The following RANBP2 variants were observed in gnomAD, a reference collection of about 807,000 sequenced individuals.
The protein encoded by RANBP2 is RAN binding protein 2.
Under a neutral mutation model 303.6 loss-of-function variants are expected in RANBP2, and 57 were observed. The observed-to-expected ratio is 0.19, with a 90% CI of 0.15 to 0.23. The LOEUF (loss-of-function observed/expected upper bound fraction) is 0.23, where lower values mean the gene tolerates loss of function less well. RANBP2 is among the 10% of genes least tolerant of loss of function. RANBP2 has a pLI of 1.00. For missense variants in RANBP2, 3,138 were observed against 3,780.8 expected, an observed-to-expected ratio of 0.83 and a Z score of 4.46; for synonymous variants, 1,167 against 1,301.5, an observed-to-expected ratio of 0.90 and a Z score of 2.23.
Position 108,752,056 on chromosome 2 carries a change from T to A in RANBP2, c.1755+62T>A. On this transcript the variant is annotated intron_variant, in intron 12 of 28. Transcript: ENST00000283195. ...ACCTTAATTTTTTAAAATCATGAAC[T>A]TTTTATTGAAAGTTTTTTTGTTCTG... 5 of 1,602,076 alleles carry A rather than the reference T, an allele frequency of 3.1e-6. No homozygotes were observed. In the South Asian group the frequency reaches 5.6e-5, roughly 18 times the overall value.
At chr2:108,994,828 A>C in the RANBP2 span, among the ~76,000 whole-genome samples, 37 of 3,760 alleles carry the variant, frequency 9.8e-3, no homozygotes, top group African/African-American at 0.039. Context: ...ATATATATAT[A>C]TCTTTTTTTT....
the RANBP2 span, among the ~76,000 whole-genome samples, chr2:108,985,291 T>C: frequency 8.5e-5 from 13 of 152,182 alleles, 1 homozygote; most frequent in African/African-American, 2.9e-4. Flanking sequence ...AAGAGTAACG[T>C]GACTGTGGTT....
the RANBP2 span, among the ~76,000 whole-genome samples, chr2:109,677,718 C>T: frequency 6.6e-5 from 10 of 152,304 alleles, no homozygotes; most frequent in Admixed American, 2.0e-4. Context: ...GCTGTGCCCT[C>T]GTGAACCAAA....
the RANBP2 span, among the ~76,000 whole-genome samples, chr2:109,514,616 C>T: frequency 0.019 from 2,903 of 152,314 alleles, 96 homozygotes; most frequent in African/African-American, 0.067. Flanking sequence ...CAGACCCCCA[C>T]GCAGGGACCT....
At chr2:108,871,370 T>A in the RANBP2 span, among the ~76,000 whole-genome samples, 113 of 76,642 alleles carry the variant, frequency 1.5e-3, no homozygotes, top group African/African-American at 5.3e-3. Flanking sequence ...CCAACTCTAT[T>A]AAAAAAAAAA....
chr2:108,785,827 T>C (rs1056470873), downstream of RANBP2: 1 of 152,238 alleles, frequency 6.6e-6, no homozygotes, highest in Non-Finnish European at 1.5e-5. Flanking sequence ...AGTGGTACTT[T>C]ATGGCAAAAA....
the RANBP2 span, among the ~76,000 whole-genome samples, chr2:109,101,552 A>G: frequency 6.6e-6 from 1 of 151,992 alleles, no homozygotes; most frequent in Non-Finnish European, 1.5e-5. Context: ...AAACAAAAAA[A>G]CCCAAAAACA....
chr2:109,667,215 C>T, the RANBP2 span: 1 of 1,097,000 alleles, frequency 9.1e-7, no homozygotes, highest in Non-Finnish European at 1.4e-6. Context: ...TAAGAACAAG[C>T]CCAAGACCCA....
At chr2:109,289,151 C>T in the RANBP2 span, among the ~76,000 whole-genome samples, 2 of 152,124 alleles carry the variant, frequency 1.3e-5, no homozygotes, top group African/African-American at 4.8e-5. Context: ...TAACTATCTC[C>T]TCCTCCATCC....
chr2:109,192,018 C>A, the RANBP2 span, among the ~76,000 whole-genome samples: 7 of 152,174 alleles, frequency 4.6e-5, no homozygotes, highest in Admixed American at 1.3e-4. Flanking sequence ...CCCCTGCAGT[C>A]ATTTTGGCGA....
the RANBP2 span, among the ~76,000 whole-genome samples, chr2:109,742,519 A>G: frequency 6.7e-6 from 1 of 148,892 alleles, no homozygotes; most frequent in Admixed American, 6.7e-5. Context: ...TGATAAAAAA[A>G]TAAAGATTTG....
the RANBP2 span, among the ~76,000 whole-genome samples, chr2:109,401,415 C>T: frequency 6.6e-6 from 1 of 152,368 alleles, no homozygotes; most frequent in African/African-American, 2.4e-5. Context: ...GCAAAGGCCA[C>T]TCTCACTGTA....
chr2:109,455,552 TATATA>T, the RANBP2 span, among the ~76,000 whole-genome samples: 1 of 152,332 alleles, frequency 6.6e-6, no homozygotes, highest in African/African-American at 2.4e-5. Flanking sequence ...CTCATGATAT[TATATA>T]GGAGTGTGAT....
chr2:108,807,509 T>C, the RANBP2 span, among the ~76,000 whole-genome samples: 2 of 152,220 alleles, frequency 1.3e-5, no homozygotes, highest in African/African-American at 4.8e-5. Context: ...ATTGGAAATA[T>C]TCAAAATCCT....
At chr2:109,318,231 CA>C in the RANBP2 span, among the ~76,000 whole-genome samples, 35 of 152,054 alleles carry the variant, frequency 2.3e-4, 1 homozygote, top group African/African-American at 6.5e-4. Context: ...GTTGTGCAAG[CA>C]GAAGAATCAC....
At chr2:108,897,306 T>C in the RANBP2 span, 1 of 1,368,234 alleles carries the variant, frequency 7.3e-7, no homozygotes, top group Non-Finnish European at 1.0e-6. Context: ...ATTATTTAAA[T>C]GAAATAAAAA....
At chr2:109,330,675 A>G in the RANBP2 span, among the ~76,000 whole-genome samples, 1 of 152,132 alleles carries the variant, frequency 6.6e-6, no homozygotes, top group African/African-American at 2.4e-5. Context: ...GGAGTGATGG[A>G]TGGATGGATG....
At chr2:109,697,695 C>T in the RANBP2 span, among the ~76,000 whole-genome samples, 1 of 152,006 alleles carries the variant, frequency 6.6e-6, no homozygotes, top group Non-Finnish European at 1.5e-5. Context: ...TTTATTTCTT[C>T]TTTCTGATCT....
At chr2:108,804,227 G>A in the RANBP2 span, among the ~76,000 whole-genome samples, 1 of 152,128 alleles carries the variant, frequency 6.6e-6, no homozygotes, top group Non-Finnish European at 1.5e-5. Context: ...TAAGTAAGTT[G>A]AAAGTGAAAG....
Sources: gnomAD v4.1 joint callset for allele counts (sites outside exome capture counted in the v4.1 genomes callset) on GRCh38, gnomAD v4.1.1 for gene constraint, MANE v1.5 for transcripts, NCBI Gene and HGNC (gene_info 2026-07-23, HGNC 2026-07-21) for gene names.